The following CTDSPL variants were observed in gnomAD, a reference collection of about 807,000 sequenced individuals.
The protein encoded by CTDSPL is CTD small phosphatase-like protein.
CTDSPL carries 8 observed loss-of-function variants against 30.5 expected under a neutral mutation model. The observed-to-expected ratio is 0.26, with a 90% CI of 0.15 to 0.47. The LOEUF (loss-of-function observed/expected upper bound fraction) is 0.47. Among genes scored for constraint, CTDSPL ranks in the 20% least tolerant of loss-of-function variants. The probability of loss-of-function intolerance (pLI) is 0.99; values close to 1 mark genes in which losing one functional copy is unlikely to be tolerated. For synonymous variants in CTDSPL, 110 were observed against 137.9 expected (o/e 0.80, Z 1.42); for missense variants, 248 against 366.1 (o/e 0.68, Z 2.63).
At chr3:37,961,616 A>G (rs1699245835) in intron 3 of CTDSPL, among the ~76,000 whole-genome samples, 1 of 152,190 alleles carries the variant, frequency 6.6e-6, no homozygotes, top group African/African-American at 2.4e-5. Flanking sequence ...GCAATAGTAC[A>G]CTTCTTTCCA....
At chr3:37,902,753 G>A (rs1184978225) in intron 1 of CTDSPL, among the ~76,000 whole-genome samples, 2 of 152,000 alleles carry the variant, frequency 1.3e-5, no homozygotes, top group African/African-American at 4.8e-5. Context: ...ACTGCAGTTA[G>A]ACAGAGTCTT....
intron 1 of CTDSPL, among the ~76,000 whole-genome samples, chr3:37,863,339 A>G (rs1697967860): frequency 6.6e-6 from 1 of 151,736 alleles, no homozygotes; most frequent in Non-Finnish European, 1.5e-5. Context: ...CCAGCCCCCC[A>G]TTCTGTTTCC....
chr3:37,928,740 T>C (rs1698815589), intron 1 of CTDSPL, among the ~76,000 whole-genome samples: 1 of 152,228 alleles, frequency 6.6e-6, no homozygotes, highest in African/African-American at 2.4e-5. Flanking sequence ...GGTTGCCTTT[T>C]CACTGTGCTG....
intron 1 of CTDSPL, among the ~76,000 whole-genome samples, chr3:37,871,187 G>A (rs1033481276): frequency 3.9e-5 from 6 of 152,020 alleles, no homozygotes; most frequent in South Asian, 2.1e-4. Context: ...TTTCTAGAAC[G>A]TCATATACTT....
chr3:37,937,084 ACAT>A (rs1383457699), intron 1 of CTDSPL, among the ~76,000 whole-genome samples: 9 of 150,372 alleles, frequency 6.0e-5, no homozygotes, highest in Non-Finnish European at 1.3e-4. Context: ...AAGGAAAGAG[ACAT>A]CAGTCCAAAA....
At chr3:37,966,575 A>G (rs1437498295) in intron 4 of CTDSPL, among the ~76,000 whole-genome samples, 1 of 152,068 alleles carries the variant, frequency 6.6e-6, no homozygotes, top group Non-Finnish European at 1.5e-5. Flanking sequence ...GTTTTTTAGC[A>G]TGATTCTGAT....
intron 1 of CTDSPL, among the ~76,000 whole-genome samples, chr3:37,940,496 CT>C: frequency 6.6e-6 from 1 of 150,704 alleles, no homozygotes; most frequent in East Asian, 1.9e-4. Flanking sequence ...AACCCAGCTC[CT>C]TTTTTCTCAG....
intron 1 of CTDSPL, among the ~76,000 whole-genome samples, chr3:37,933,181 T>C (rs532243914): frequency 6.6e-6 from 1 of 151,148 alleles, no homozygotes; most frequent in East Asian, 1.9e-4. Flanking sequence ...AAAAAGATTA[T>C]GTTCACTGAT....
Position 37,870,285 on chromosome 3 carries a change from A to G in CTDSPL, c.79+8007A>G, listed in dbSNP as rs114535822. 8.1e-3 allele frequency among the ~76,000 whole-genome samples: 1,226 copies of G among 152,124 alleles called. 16 individuals are homozygous for G. The highest frequency in any genetic ancestry group is 0.027 in the African/African-American group (1,136 of 41,522). On this transcript the variant is annotated intron_variant, in intron 1 of 7. Coordinates refer to ENST00000273179, the MANE Select transcript of CTDSPL (RefSeq NM_001008392.2). ...CTCTTTCAGATTGGGCAACTTGGGT[A>G]GTTTTTTGTTTTTCTGAGATTTGAG...
intron 1 of CTDSPL, among the ~76,000 whole-genome samples, chr3:37,945,832 T>C (rs972848956): frequency 3.3e-5 from 5 of 152,216 alleles, no homozygotes; most frequent in African/African-American, 1.2e-4. Flanking sequence ...TTTCAGTCCC[T>C]TTTCAGAATT....
chr3:37,974,767 C>T (rs1028997694), intron 6 of CTDSPL, among the ~76,000 whole-genome samples: 180 of 152,270 alleles, frequency 1.2e-3, no homozygotes, highest in Middle Eastern at 6.8e-3. Flanking sequence ...TGGGAGTGGA[C>T]GGCTGGGCAC....
rs116310351 is a variant in CTDSPL, at chr3:37,971,194, C to T, written c.427-213C>T. Among the ~76,000 whole-genome samples the T allele has an allele frequency of 7.6e-3, 1,165 of 152,364 alleles. 14 individuals carry two copies. The highest frequency in any genetic ancestry group is 0.026 in the African/African-American group (1,089 of 41,584). ...TCTCTTTTTCCCTTAGGAGGGGCGT[C>T]TGCAGTGAACTCAGACCTGGAGCCC... On this transcript the variant is annotated intron_variant, in intron 5 of 7. Coordinates refer to ENST00000273179, the MANE Select transcript of CTDSPL (RefSeq NM_001008392.2).
chr3:37,960,784 AT>A (rs1699237126), intron 3 of CTDSPL, among the ~76,000 whole-genome samples: 1 of 152,012 alleles, frequency 6.6e-6, no homozygotes, highest in East Asian at 1.9e-4. Context: ...TTTGATTTGC[AT>A]TTCTTTATCA....
chr3:37,967,142 C>A (rs1354954060), intron 4 of CTDSPL, among the ~76,000 whole-genome samples: 1 of 152,224 alleles, frequency 6.6e-6, no homozygotes, highest in Non-Finnish European at 1.5e-5. Context: ...TCTGTACCCC[C>A]ACCCAAGGCA....
At position 37,937,460 on chromosome 3, in the gene CTDSPL, T is replaced by G. The variant is rs370545948; in HGVS notation, c.80-9597T>G. 1.5e-4 allele frequency among the ~76,000 whole-genome samples: 23 copies of G among 150,590 alleles called. 3 individuals are homozygous for G. Among genetic ancestry groups the G allele is most frequent in the African/African-American group, 5.5e-4 (23 of 41,454 alleles). On this transcript the variant is annotated intron_variant, in intron 1 of 7. Transcript: ENST00000273179. Reference sequence around the variant, plus strand: ...GGCTCCTCCTCACGTTTGCCCTCCCTCCTTCTATGCATACCCCCTCCACTT... The same window carrying G: ...GGCTCCTCCTCACGTTTGCCCTCCCGCCTTCTATGCATACCCCCTCCACTT...
At chr3:37,964,499 AAGT>A in intron 3 of CTDSPL, 69 bp from the exon 4 acceptor site, 1 of 978,824 alleles carries the variant, frequency 1.0e-6, no homozygotes, top group Non-Finnish European at 1.6e-6. Context: ...AAATGTTTGA[AAGT>A]AGTATAATGC....
At chr3:37,971,316 G>A (rs568528409) in intron 5 of CTDSPL, 91 bp from the exon 6 acceptor site, 3 of 1,146,108 alleles carry the variant, frequency 2.6e-6, no homozygotes, top group Middle Eastern at 2.0e-4. Flanking sequence ...AGGAACCTTT[G>A]TAGCAATTCT....
intron 7 of CTDSPL, among the ~76,000 whole-genome samples, chr3:37,978,189 G>A (rs1400713461): frequency 6.6e-6 from 1 of 152,164 alleles, no homozygotes; most frequent in Non-Finnish European, 1.5e-5. Flanking sequence ...GCCTCCAAAA[G>A]TAGCCAATAA....
Position 37,981,739 on chromosome 3 carries a change from TG to T in CTDSPL, c.*875del, listed in dbSNP as rs1699494744. 6.9e-6 allele frequency: 3 copies of T among 431,928 alleles called. No homozygotes were observed. The highest frequency in any genetic ancestry group is 1.4e-5 in the Non-Finnish European group (3 of 213,258). The allele number at this position is 431,928 out of a possible 1,614,324, so 26.8% of individuals were successfully genotyped here. A position where few individuals can be genotyped will look rare whatever the true frequency, so the allele number is the denominator to read the frequency against. ...ATTTGTGTTTTTTGTTGTTATTGTT[TG>T]GGTAGAGCAGTTACAAGAAACCCTA... On this transcript the variant is annotated 3_prime_UTR_variant, in exon 8 of 8. Transcript: ENST00000273179.
Sources: gnomAD v4.1 joint callset for allele counts (sites outside exome capture counted in the v4.1 genomes callset) on GRCh38, gnomAD v4.1.1 for gene constraint, MANE v1.5 for transcripts, NCBI Gene and HGNC (gene_info 2026-07-23, HGNC 2026-07-21) for gene names.